The following LIG1 variants were observed in gnomAD, a reference collection of about 807,000 sequenced individuals.
LIG1 encodes the protein DNA ligase 1, also known as ligase I, DNA, ATP-dependent.
LIG1 carries 70 observed loss-of-function variants against 115.7 expected under a neutral mutation model. The observed-to-expected ratio is 0.60, with a 90% CI of 0.50 to 0.74. The LOEUF (loss-of-function observed/expected upper bound fraction) is 0.74, where lower values mean the gene tolerates loss of function less well. LIG1 is among the 30% of genes least tolerant of loss of function. LIG1 has a pLI of 0.00. For missense variants in LIG1, 1,115 were observed against 1,225.6 expected (o/e 0.91, Z 1.35); for synonymous variants, 487 against 495.3 (o/e 0.98, Z 0.22).
intron 7 of LIG1, 124 bp from the exon 8 acceptor site, chr19:48,150,334 T>C (rs1168620001): frequency 7.1e-7 from 1 of 1,415,706 alleles, no homozygotes; most frequent in Non-Finnish European, 9.8e-7. Flanking sequence ...CCTACCCTTT[T>C]CCTTTCTGTT....
rs3730931 is a variant in LIG1, at chr19:48,143,984, T to C, written c.777-21A>G. On this transcript the variant is annotated intron_variant, in intron 9 of 27. Transcript: ENST00000263274. Reference sequence around the variant, plus strand: ...GGGGTCTACGGAGGCAAAACGGAGATTGAATTGCATAGAGCCCTGGGTCAA... The same window carrying C: ...GGGGTCTACGGAGGCAAAACGGAGACTGAATTGCATAGAGCCCTGGGTCAA... 189,576 of 1,579,302 alleles carry C rather than the reference T, an allele frequency of 0.12. 12,325 individuals are homozygous for C. The highest frequency in any genetic ancestry group is 0.26 in the African/African-American group (19,202 of 74,094).
chr19:48,135,891 G>GCGGGC, intron 15 of LIG1, 112 bp from the exon 16 acceptor site: 9 of 928,636 alleles, frequency 9.7e-6, no homozygotes, highest in East Asian at 2.8e-5. Flanking sequence ...GGCCCAAGAC[G>GCGGGC]CCCCCTCCCC....
intron 9 of LIG1, 121 bp from the exon 10 acceptor site, chr19:48,144,084 A>C: frequency 1.2e-6 from 1 of 858,106 alleles, no homozygotes. Flanking sequence ...GATGAAAACA[A>C]AGTTTGCTAA....
intron 3 of LIG1, among the ~76,000 whole-genome samples, chr19:48,162,038 T>G (rs914108548): frequency 6.6e-6 from 1 of 152,034 alleles, no homozygotes; most frequent in African/African-American, 2.4e-5. Flanking sequence ...GAATGTCTGG[T>G]TCTAGAACGA....
intron 1 of LIG1, among the ~76,000 whole-genome samples, chr19:48,169,426 G>A (rs1324080730): frequency 6.6e-6 from 1 of 152,126 alleles, no homozygotes; most frequent in South Asian, 2.1e-4. Flanking sequence ...GTCACCATTA[G>A]GGGAAGATGG....
chr19:48,127,679 A>G (rs1022637095), intron 20 of LIG1: 17 of 623,108 alleles, frequency 2.7e-5, no homozygotes, highest in East Asian at 8.2e-5. Context: ...ATCTTCTTTC[A>G]TAGTAAAACA....
At chr19:48,164,498 G>A (rs757234301) in intron 2 of LIG1, among the ~76,000 whole-genome samples, 44 of 152,174 alleles carry the variant, frequency 2.9e-4, no homozygotes, top group Non-Finnish European at 7.3e-5. Flanking sequence ...GACCAGGGGT[G>A]GACACGTGAT....
At chr19:48,151,469 G>A (rs536292869) in intron 6 of LIG1, 130 bp from the exon 7 acceptor site, 133 of 670,396 alleles carry the variant, frequency 2.0e-4, no homozygotes, top group Non-Finnish European at 2.4e-4. Flanking sequence ...CGTTCTTACC[G>A]CCCAGGCTGG....
Position 48,165,530 on chromosome 19 carries a change from G to C in LIG1, c.17+20C>G, listed in dbSNP as rs775619284. On this transcript the variant is annotated intron_variant, in intron 2 of 27. Transcript: ENST00000263274. ...AGGACTTGGAGAAGGAAAGACTCAG[G>C]GGCAAGGGAGGGTGCTCACATGATA... The C allele has an allele frequency of 1.3e-6, 2 of 1,581,030 alleles. No individual in the cohort carries two copies. Among genetic ancestry groups the C allele is most frequent in the African/African-American group, 2.7e-5 (2 of 74,406 alleles).
intron 24 of LIG1, among the ~76,000 whole-genome samples, chr19:48,119,414 TCTG>T (rs2122316250): frequency 2.0e-5 from 3 of 152,206 alleles, no homozygotes; most frequent in African/African-American, 7.2e-5. Flanking sequence ...CTCCCTGTCT[TCTG>T]CTTTATGGAG....
In LIG1 at chr19:48,151,281, T is replaced by C. The variant is rs762111528; in HGVS notation, c.525A>G (p.Gly175=). 55 of 1,613,582 alleles carry C rather than the reference T, an allele frequency of 3.4e-5. No homozygotes were observed. Among genetic ancestry groups the C allele is most frequent in the Non-Finnish European group, 3.5e-5 (41 of 1,179,802 alleles). The change falls in exon 7 of 28, where the codon GGA becomes GGG. Residue 175 remains glycine, a synonymous_variant. Transcript: ENST00000263274. ...TEAEVATEKE[G]EDGDQPTTPP... is the part of the protein sequence containing the mutation. ...GCGTGGTGGGCTGGTCCCCGTCTTC[T>C]CCTTCCTTCTCTGTGGCCACTTCAG...
At chr19:48,160,738 CTTT>C (rs747316658) in intron 4 of LIG1, among the ~76,000 whole-genome samples, 1 of 144,480 alleles carries the variant, frequency 6.9e-6, no homozygotes, top group Non-Finnish European at 1.5e-5. Flanking sequence ...TATTTTTTTG[CTTT>C]TTTTTTTTTG....
At chr19:48,121,047 G>C in intron 24 of LIG1, 123 bp downstream of exon 24, 1 of 1,559,884 alleles carries the variant, frequency 6.4e-7, no homozygotes, top group African/African-American at 1.4e-5. Flanking sequence ...AAAAACTGGG[G>C]AGAACGGATC....
chr19:48,146,528 A>G (rs2035122364), intron 9 of LIG1, among the ~76,000 whole-genome samples: 3 of 152,198 alleles, frequency 2.0e-5, no homozygotes, highest in Admixed American at 2.0e-4. Flanking sequence ...TAAAAATACA[A>G]AAGTAGCCGG....
chr19:48,143,999 C>T (rs1206789442), intron 9 of LIG1, 36 bp from the exon 10 acceptor site: 8 of 1,522,608 alleles, frequency 5.3e-6, no homozygotes, highest in Non-Finnish European at 7.3e-6. Flanking sequence ...TTGCATAGAG[C>T]CCTGGGTCAA....
chr19:48,165,705 G>GAAA (rs773836597), intron 1 of LIG1, 82 bp from the exon 2 acceptor site: 8 of 774,594 alleles, frequency 1.0e-5, no homozygotes, highest in Admixed American at 2.9e-5. Flanking sequence ...CTTTAAGAAA[G>GAAA]AAAGAAAAAA....
intron 21 of LIG1, 56 bp downstream of exon 21, chr19:48,127,221 C>CA: frequency 7.0e-7 from 1 of 1,432,582 alleles, no homozygotes; most frequent in Non-Finnish European, 9.8e-7. Context: ...AGCTGCCAGG[C>CA]TCACACCCCA....
intron 14 of LIG1, among the ~76,000 whole-genome samples, chr19:48,136,610 T>C (rs2034406084): frequency 6.6e-6 from 1 of 152,170 alleles, no homozygotes; most frequent in South Asian, 2.1e-4. Flanking sequence ...TGGTAGGAAC[T>C]GATGAGGTAA....
intron 10 of LIG1, 117 bp from the exon 11 acceptor site, chr19:48,143,716 G>A (rs2034933104): frequency 2.8e-6 from 3 of 1,083,592 alleles, no homozygotes; most frequent in Admixed American, 3.5e-5. Flanking sequence ...CCAAATGCAT[G>A]AGCTCACTTC....
Sources: gnomAD v4.1 joint callset for allele counts (sites outside exome capture counted in the v4.1 genomes callset) on GRCh38, gnomAD v4.1.1 for gene constraint, MANE v1.5 for transcripts, NCBI Gene and HGNC (gene_info 2026-07-23, HGNC 2026-07-21) for gene names.